Variants in COL4A6 observed in about 807,000 individuals in gnomAD.
COL4A6 encodes the protein collagen alpha-6(IV) chain.
In COL4A6, 59 loss-of-function variants were observed where a neutral mutation model predicts 126.7. The observed-to-expected ratio is 0.47, with a 90% CI of 0.38 to 0.58. The LOEUF (loss-of-function observed/expected upper bound fraction) is 0.58, where lower values mean the gene tolerates loss of function less well. COL4A6 is among the 20% of genes least tolerant of loss of function. COL4A6 has a pLI of 0.00. For missense variants in COL4A6, 1,285 were observed against 1,337.3 expected, an observed-to-expected ratio of 0.96 and a Z score of 0.61; for synonymous variants, 547 against 496.6, an observed-to-expected ratio of 1.10 and a Z score of -1.35.
At chrX:108,419,105 G>A (rs1415265646) in intron 2 of COL4A6, among the ~76,000 whole-genome samples, 1 of 112,161 alleles carries the variant, frequency 8.9e-6, no homozygotes, top group African/African-American at 3.2e-5. Context: ...TATATGAGAA[G>A]AATCCACAGC....
At chrX:108,354,439 T>G (rs1603147340) in intron 2 of COL4A6, among the ~76,000 whole-genome samples, 1 of 111,875 alleles carries the variant, frequency 8.9e-6, no homozygotes, top group South Asian at 3.8e-4. Context: ...TCCCATTTTC[T>G]GTGGCAACAA....
At chrX:108,411,888 G>A (rs773461894) in intron 2 of COL4A6, among the ~76,000 whole-genome samples, 1 of 110,683 alleles carries the variant, frequency 9.0e-6, no homozygotes, top group East Asian at 2.8e-4. Context: ...TGAAGGGAGG[G>A]GTTGCTCGGT....
At chrX:108,417,317 G>C (rs1211386385) in intron 2 of COL4A6, among the ~76,000 whole-genome samples, 1 of 111,558 alleles carries the variant, frequency 9.0e-6, no homozygotes, top group Non-Finnish European at 1.9e-5. Context: ...TGAGGATGAA[G>C]TAAAAAATGT....
intron 2 of COL4A6, among the ~76,000 whole-genome samples, chrX:108,338,194 A>G (rs761576226): frequency 1.8e-5 from 2 of 111,983 alleles, no homozygotes; most frequent in South Asian, 7.4e-4. Context: ...GTGTTTAACC[A>G]TAAGAATAAG....
At chrX:108,260,592 T>C (rs1167904347) in intron 3 of COL4A6, among the ~76,000 whole-genome samples, 1 of 111,169 alleles carries the variant, frequency 9.0e-6, no homozygotes, top group East Asian at 2.9e-4. Flanking sequence ...TGTGCCTTTT[T>C]CCTTCCGCCA....
intron 41 of COL4A6, 91 bp downstream of exon 41, chrX:108,162,801 A>G (rs2034002402): frequency 1.0e-6 from 1 of 958,597 alleles, no homozygotes; most frequent in African/African-American, 2.0e-5. Context: ...CTTGATGAAG[A>G]CACACCCTTG....
At chrX:108,382,622 T>C (rs1358987033) in intron 2 of COL4A6, among the ~76,000 whole-genome samples, 2 of 109,766 alleles carry the variant, frequency 1.8e-5, no homozygotes, top group African/African-American at 3.3e-5. Flanking sequence ...CCAAGACACA[T>C]AGCTAAAAAT....
intron 23 of COL4A6, among the ~76,000 whole-genome samples, chrX:108,184,062 G>T (rs2034772073): frequency 8.9e-6 from 1 of 111,961 alleles, no homozygotes; most frequent in Admixed American, 9.5e-5. Context: ...GGCTTCTGAT[G>T]ATTGCATCCT....
At chrX:108,371,974 G>A (rs182571331) in intron 2 of COL4A6, among the ~76,000 whole-genome samples, 8 of 110,421 alleles carry the variant, frequency 7.2e-5, no homozygotes, top group South Asian at 3.9e-4. Flanking sequence ...TTGAGCTGCC[G>A]CTGAGATCAT....
chrX:108,240,644 T>C (rs1001689786), intron 3 of COL4A6, among the ~76,000 whole-genome samples: 2 of 111,865 alleles, frequency 1.8e-5, no homozygotes, highest in African/African-American at 6.5e-5. Context: ...TTCTTTCCAC[T>C]ACTGTGCTTT....
intron 13 of COL4A6, among the ~76,000 whole-genome samples, chrX:108,201,383 TG>T (rs909177509): frequency 1.8e-5 from 2 of 112,152 alleles, no homozygotes; most frequent in East Asian, 2.8e-4. Context: ...GTATTGGTCT[TG>T]TTTGGCCTCT....
At chrX:108,168,503 C>A (rs956788629) in intron 37 of COL4A6, among the ~76,000 whole-genome samples, 2 of 112,065 alleles carry the variant, frequency 1.8e-5, no homozygotes, top group Admixed American at 1.9e-4. Context: ...GACCTCAAGC[C>A]CCAGAGCAGA....
intron 2 of COL4A6, among the ~76,000 whole-genome samples, chrX:108,342,256 T>C (rs904229474): frequency 8.9e-6 from 1 of 112,261 alleles, no homozygotes; most frequent in Non-Finnish European, 1.9e-5. Flanking sequence ...TCTTTTGGCT[T>C]CCCACATGGA....
intron 2 of COL4A6, among the ~76,000 whole-genome samples, chrX:108,372,156 A>G (rs1022913326): frequency 4.5e-5 from 5 of 111,323 alleles, no homozygotes; most frequent in Non-Finnish European, 7.5e-5. Context: ...CGGGCCTCTC[A>G]ACATCAAAGA....
intron 2 of COL4A6, among the ~76,000 whole-genome samples, chrX:108,390,143 T>C (rs1445163080): frequency 9.0e-6 from 1 of 111,638 alleles, no homozygotes; most frequent in Non-Finnish European, 1.9e-5. Context: ...CCAACCTTTC[T>C]CTCTGGGTGC....
At chrX:108,309,445 G>A (rs1357617640) in intron 3 of COL4A6, among the ~76,000 whole-genome samples, 1 of 111,108 alleles carries the variant, frequency 9.0e-6, no homozygotes, top group African/African-American at 3.3e-5. Context: ...AATAAGATGT[G>A]AAGCTTACTA....
chrX:108,424,856 A>C (rs1603232228), intron 2 of COL4A6, among the ~76,000 whole-genome samples: 1 of 110,345 alleles, frequency 9.1e-6, no homozygotes, highest in East Asian at 2.9e-4. Context: ...TACAAAACAT[A>C]CAAAAATTAG....
chrX:108,303,097 C>G (rs1438173666), intron 3 of COL4A6, among the ~76,000 whole-genome samples: 1 of 108,915 alleles, frequency 9.2e-6, no homozygotes, highest in African/African-American at 3.4e-5. Flanking sequence ...GCAACTCCTC[C>G]CTGCTATCCT....
chrX:108,239,353 C>T (rs1361406522), intron 3 of COL4A6, among the ~76,000 whole-genome samples: 1 of 112,147 alleles, frequency 8.9e-6, no homozygotes, highest in East Asian at 2.8e-4. Flanking sequence ...CCAGAGGTCA[C>T]CTTTGTATGT....
Sources: allele counts gnomAD v4.1 joint callset (sites outside exome capture counted in the v4.1 genomes callset), GRCh38; gene constraint gnomAD v4.1.1; transcripts MANE v1.5; gene names NCBI Gene and HGNC (gene_info 2026-07-23, HGNC 2026-07-21).